The following RNF34 variants were observed in gnomAD, a reference collection of about 807,000 sequenced individuals.
The protein encoded by RNF34 is ring finger protein 34, also known as E3 ubiquitin-protein ligase RNF34.
In RNF34, 12 loss-of-function variants were observed where a neutral mutation model predicts 37.9. The ratio of observed to expected loss-of-function variants is 0.32; its 90% confidence interval spans 0.20 to 0.51. RNF34 has a LOEUF of 0.51. RNF34 is among the 20% of genes least tolerant of loss of function. The pLI, the probability that RNF34 is intolerant of heterozygous loss-of-function variation, is 0.97. For missense variants in RNF34, 362 were observed against 472.7 expected (o/e 0.77, Z 2.17); for synonymous variants, 155 against 177.2 (o/e 0.87, Z 1.00).
At chr12:121,403,727 A>G (rs573625777) in intron 1 of RNF34, among the ~76,000 whole-genome samples, 1 of 152,278 alleles carries the variant, frequency 6.6e-6, no homozygotes, top group Admixed American at 6.5e-5. Flanking sequence ...ATCTGAGACA[A>G]TTATTTTTGA....
chr12:121,418,743 CAG>C (rs1871814518), intron 3 of RNF34: 1 of 151,962 alleles, frequency 6.6e-6, no homozygotes, highest in South Asian at 2.1e-4. Flanking sequence ...TGTTTGGAGG[CAG>C]AGTCTCACTC....
chr12:121,410,708 G>A (rs1358570681), intron 1 of RNF34, among the ~76,000 whole-genome samples: 3 of 152,290 alleles, frequency 2.0e-5, no homozygotes, highest in African/African-American at 4.8e-5. Flanking sequence ...TCAATATGAT[G>A]CTAAGGTTAT....
chr12:121,416,935 G>A (rs1173980234), intron 2 of RNF34, among the ~76,000 whole-genome samples: 3 of 152,186 alleles, frequency 2.0e-5, no homozygotes, highest in African/African-American at 7.2e-5. Flanking sequence ...TAGCTTGCAG[G>A]AACAATGCAG....
intron 1 of RNF34, among the ~76,000 whole-genome samples, chr12:121,401,842 A>T (rs1555280048): frequency 6.6e-6 from 1 of 152,212 alleles, no homozygotes; most frequent in African/African-American, 2.4e-5. Context: ...GAAATTATAG[A>T]AAAGATACGT....
intron 3 of RNF34, chr12:121,420,027 C>A: frequency 2.1e-6 from 1 of 469,566 alleles, no homozygotes; most frequent in Non-Finnish European, 3.9e-6. Flanking sequence ...TACACACACA[C>A]AGGAATTTGT....
At position 121,423,247 on chromosome 12, in the gene RNF34, T is replaced by C. The variant is rs551491860; in HGVS notation, c.929-139T>C. 86 of 598,020 alleles carry C rather than the reference T, an allele frequency of 1.4e-4. No homozygotes were observed. The highest frequency in any genetic ancestry group is 2.1e-4 in the Non-Finnish European group (73 of 342,310). The allele number at this position is 598,020 out of a possible 1,614,324, so 37.0% of individuals were successfully genotyped here. A position where few individuals can be genotyped will look rare whatever the true frequency, so the allele number is the denominator to read the frequency against. ...GAACCAAAGTGCAGAGAAGTTGGGA[T>C]TATTTCTTGTACAACACTGGGGTGG... On this transcript the variant is annotated intron_variant, in intron 5 of 5. Coordinates refer to ENST00000361234, the MANE Select transcript of RNF34 (RefSeq NM_025126.4). The surrounding 1 kb of genome is among the most constrained non-coding windows in gnomAD (Gnocchi z 4.3).
chr12:121,400,472 C>CGCGCCGGGTGGGCCCCTCTCT (rs1417193478), intron 1 of RNF34, among the ~76,000 whole-genome samples: 1 of 152,206 alleles, frequency 6.6e-6, no homozygotes, highest in Non-Finnish European at 1.5e-5. Context: ...CCCTAGCGTT[C>CGCGCCGGGTGGGCCCCTCTCT]GCGCCGGGTG....
chr12:121,420,651 G>A lies in RNF34; in HGVS notation c.801G>A (p.Met267Ile). 6.2e-7 allele frequency: 1 copy of A among 1,614,170 alleles called. No homozygotes were observed. Among genetic ancestry groups the A allele is most frequent in the Non-Finnish European group, 8.5e-7 (1 of 1,180,020 alleles). Residue 267 changes from methionine (M) to isoleucine (I), a missense_variant, in exon 5 of 6, where the codon ATG (methionine) becomes ATA (isoleucine). Coordinates refer to ENST00000361234, the MANE Select transcript of RNF34 (RefSeq NM_025126.4). ...CAAGCCTTGATGATGTGGAAGGAAT[G>A]AGCGTGCGCCAGCTGAAGGAAATTC... ...DLSSLDDVEG[M>I]SVRQLKEILA...
chr12:121,420,436 G>A, intron 4 of RNF34, 102 bp downstream of exon 4: 1 of 1,551,270 alleles, frequency 6.4e-7, no homozygotes. Context: ...TGTTTCTTCT[G>A]GTTTGAATGT....
Position 121,423,527 on chromosome 12 carries a change from C to CCGG in RNF34, c.1071_1072insGGC (p.Pro357_Ile358insGly). On this transcript the variant is annotated inframe_insertion, in exon 6 of 6. Transcript: ENST00000361234. This position sits in a 1 kb window ranked among gnomAD's most constrained non-coding sequence, Gnocchi z 4.3. ...TGCGGCAAGCGCATGAGTGAGTGTC[C>CCGG]CATCTGCCGGCAGTATGTGGTGCGA... is the stretch of plus-strand genomic sequence containing the variant. 1 of 1,614,146 alleles carries CCGG rather than the reference C, an allele frequency of 6.2e-7. No homozygotes were observed. The highest frequency in any genetic ancestry group is 8.5e-7 in the Non-Finnish European group (1 of 1,180,018).
chr12:121,409,860 G>T (rs188565453), intron 1 of RNF34: 1 of 152,382 alleles, frequency 6.6e-6, no homozygotes, highest in East Asian at 1.9e-4. Flanking sequence ...TGAATGTAAA[G>T]AAATTATGTT....
chr12:121,410,850 A>T (rs533134411), intron 1 of RNF34, among the ~76,000 whole-genome samples: 12 of 152,292 alleles, frequency 7.9e-5, no homozygotes, highest in African/African-American at 2.4e-4. Flanking sequence ...TTTGGCTGAC[A>T]GTAGTTAATA....
intron 1 of RNF34, among the ~76,000 whole-genome samples, chr12:121,401,275 C>T (rs1177255909): frequency 6.9e-6 from 1 of 145,888 alleles, no homozygotes; most frequent in African/African-American, 2.5e-5. Flanking sequence ...ACAGTCTCAT[C>T]CCTTAGGAAG....
chr12:121,418,328 T>C (rs1448049284), intron 3 of RNF34: 1 of 162,418 alleles, frequency 6.2e-6, no homozygotes, highest in African/African-American at 2.4e-5. Context: ...TACAGTGAAA[T>C]TGTTCTAATT....
chr12:121,403,135 G>A (rs368030223), intron 1 of RNF34, among the ~76,000 whole-genome samples: 2 of 152,196 alleles, frequency 1.3e-5, no homozygotes, highest in East Asian at 3.8e-4. Flanking sequence ...GGTGGCTCAC[G>A]CCTGTAGTCC....
At chr12:121,403,337 A>G (rs1363019733) in intron 1 of RNF34, among the ~76,000 whole-genome samples, 1 of 151,410 alleles carries the variant, frequency 6.6e-6, no homozygotes, top group African/African-American at 2.4e-5. Flanking sequence ...CAGAGTTTGC[A>G]GTGAGCCAAG....
chr12:121,418,136 C>G, intron 3 of RNF34: 1 of 543,308 alleles, frequency 1.8e-6, no homozygotes, highest in South Asian at 2.4e-5. Flanking sequence ...CCCAAAATAG[C>G]TCATCAGTCT....
chr12:121,403,414 CAA>C (rs60900182), intron 1 of RNF34, among the ~76,000 whole-genome samples: 5 of 136,684 alleles, frequency 3.7e-5, no homozygotes, highest in African/African-American at 7.9e-5. Context: ...AAAACCAAAA[CAA>C]AAAAAAAAAA....
At chr12:121,415,613 TTAAA>T (rs1291205204) in intron 1 of RNF34, among the ~76,000 whole-genome samples, 1 of 152,064 alleles carries the variant, frequency 6.6e-6, no homozygotes, top group Admixed American at 6.6e-5. Flanking sequence ...GACCCTGTTT[TTAAA>T]TAAATAAATT....
Sources: gnomAD v4.1 joint callset for allele counts (sites outside exome capture counted in the v4.1 genomes callset) on GRCh38, gnomAD v4.1.1 for gene constraint, Gnocchi (gnomAD v3.1) non-coding constraint, MANE v1.5 for transcripts, NCBI Gene and HGNC (gene_info 2026-07-23, HGNC 2026-07-21) for gene names.